The following TOX variants were observed in gnomAD, a reference collection of about 807,000 sequenced individuals.
TOX encodes thymocyte selection-associated high mobility group box protein TOX.
In TOX, 11 loss-of-function variants were observed where a neutral mutation model predicts 53.7. The observed-to-expected ratio is 0.20, with a 90% CI of 0.13 to 0.34. The LOEUF (loss-of-function observed/expected upper bound fraction) is 0.34. TOX is among the 10% of genes least tolerant of loss of function. TOX has a pLI of 1.00. For synonymous variants in TOX, 225 were observed against 245.3 expected (o/e 0.92, Z 0.77); for missense variants, 570 against 664.6 (o/e 0.86, Z 1.56).
Position 58,869,389 on chromosome 8 carries a change from A to C in TOX, c.412-17584T>G, listed in dbSNP as rs991482685. On this transcript the variant is annotated intron_variant, in intron 3 of 8. Coordinates refer to ENST00000361421, the MANE Select transcript of TOX (RefSeq NM_014729.3). ...CCAAATAATCCTTTACTTGCTAAAT[A>C]AATTGAATCAATAATTAACAATCTT... Among the ~76,000 whole-genome samples the C allele has an allele frequency of 1.2e-4, 18 of 152,310 alleles. 1 individual carries two copies. Among genetic ancestry groups the C allele is most frequent in the Admixed American group, 9.8e-4 (15 of 15,286 alleles).
chr8:58,814,682 T>G (rs1810144092), intron 7 of TOX: 1 of 152,244 alleles, frequency 6.6e-6, no homozygotes, highest in Non-Finnish European at 1.5e-5. Context: ...AAAAGCAATA[T>G]TTGATTTCAA....
At chr8:58,874,346 T>C (rs1811250184) in intron 3 of TOX, among the ~76,000 whole-genome samples, 1 of 151,804 alleles carries the variant, frequency 6.6e-6, no homozygotes, top group Non-Finnish European at 1.5e-5. Context: ...AAGGAAAGAG[T>C]GAGAGATGTT....
chr8:59,083,864 C>T (rs1306941264), intron 1 of TOX, among the ~76,000 whole-genome samples: 1 of 152,130 alleles, frequency 6.6e-6, no homozygotes, highest in Non-Finnish European at 1.5e-5. Flanking sequence ...TTCCTAAATT[C>T]AGGAACAAGC....
chr8:58,886,704 G>A (rs945269496), intron 3 of TOX, among the ~76,000 whole-genome samples: 1 of 151,894 alleles, frequency 6.6e-6, no homozygotes, highest in Non-Finnish European at 1.5e-5. Flanking sequence ...ATTGTTTGCA[G>A]GTTTATAATG....
intron 3 of TOX, among the ~76,000 whole-genome samples, chr8:58,866,720 A>G (rs1054503374): frequency 6.6e-6 from 1 of 152,204 alleles, no homozygotes; most frequent in African/African-American, 2.4e-5. Flanking sequence ...AGAAGAATTC[A>G]AATACTGATG....
chr8:58,877,728 T>C (rs1378265722), intron 3 of TOX, among the ~76,000 whole-genome samples: 1 of 152,222 alleles, frequency 6.6e-6, no homozygotes, highest in Non-Finnish European at 1.5e-5. Context: ...AATACAAGTC[T>C]GTCATCCAAA....
intron 5 of TOX, among the ~76,000 whole-genome samples, chr8:58,832,682 A>T (rs1563364991): frequency 6.6e-6 from 1 of 152,144 alleles, no homozygotes; most frequent in Non-Finnish European, 1.5e-5. Flanking sequence ...AATTGAAGCA[A>T]ATTAACTATT....
intron 1 of TOX, among the ~76,000 whole-genome samples, chr8:59,073,198 T>A (rs2129422721): frequency 6.6e-6 from 1 of 152,308 alleles, no homozygotes; most frequent in South Asian, 2.1e-4. Flanking sequence ...ACAATACTTA[T>A]AACTGATACT....
At chr8:58,815,286 C>A in intron 7 of TOX, 52 bp downstream of exon 7, 2 of 1,524,598 alleles carry the variant, frequency 1.3e-6, no homozygotes, top group Non-Finnish European at 8.8e-7. Context: ...ACCTCCACCA[C>A]CACACTTCAG....
intron 1 of TOX, among the ~76,000 whole-genome samples, chr8:59,060,758 C>T (rs1803970272): frequency 6.6e-6 from 1 of 152,212 alleles, no homozygotes; most frequent in African/African-American, 2.4e-5. Flanking sequence ...ATTCAATTCT[C>T]TTAGTAACAT....
intron 1 of TOX, among the ~76,000 whole-genome samples, chr8:58,982,944 C>G (rs1021879239): frequency 1.3e-5 from 2 of 152,172 alleles, no homozygotes; most frequent in African/African-American, 4.8e-5. Flanking sequence ...CCATTCCCTC[C>G]TCTCTGCATT....
intron 1 of TOX, among the ~76,000 whole-genome samples, chr8:58,967,723 C>T (rs1015728723): frequency 6.6e-6 from 1 of 152,182 alleles, no homozygotes; most frequent in Non-Finnish European, 1.5e-5. Flanking sequence ...TGAGTTGTTG[C>T]AAAGCTATGG....
intron 1 of TOX, among the ~76,000 whole-genome samples, chr8:59,071,140 A>G (rs1276127744): frequency 6.6e-6 from 1 of 152,214 alleles, no homozygotes; most frequent in Non-Finnish European, 1.5e-5. Context: ...GCGGGTATCT[A>G]TTAAAGTTAA....
At chr8:58,853,750 T>G (rs1375186) in intron 3 of TOX, among the ~76,000 whole-genome samples, 27,581 of 152,202 alleles carry the variant, frequency 0.18, 2,818 homozygotes, top group Non-Finnish European at 0.23. Context: ...TTCAGTCACA[T>G]TTACTAAAAT....
intron 1 of TOX, among the ~76,000 whole-genome samples, chr8:59,095,707 A>G (rs1804702181): frequency 6.6e-6 from 1 of 152,212 alleles, no homozygotes; most frequent in Admixed American, 6.5e-5. Context: ...GACAATATTA[A>G]AAATAATTTT....
chr8:59,087,501 T>C (rs1266205438), intron 1 of TOX, among the ~76,000 whole-genome samples: 1 of 152,202 alleles, frequency 6.6e-6, no homozygotes, highest in Non-Finnish European at 1.5e-5. Context: ...TCCTAATAAT[T>C]CATAGGACTC....
At chr8:58,904,818 T>C (rs1007020166) in intron 3 of TOX, among the ~76,000 whole-genome samples, 1 of 152,118 alleles carries the variant, frequency 6.6e-6, no homozygotes, top group Non-Finnish European at 1.5e-5. Flanking sequence ...TGAATGAAAA[T>C]AAAATAGCCA....
At chr8:58,903,907 C>T (rs191221367) in intron 3 of TOX, among the ~76,000 whole-genome samples, 1 of 152,250 alleles carries the variant, frequency 6.6e-6, no homozygotes, top group East Asian at 1.9e-4. Flanking sequence ...GGGTTCTTTC[C>T]ACTGTGCTAT....
intron 1 of TOX, among the ~76,000 whole-genome samples, chr8:58,981,959 A>G (rs1195788336): frequency 2.0e-5 from 3 of 152,172 alleles, no homozygotes; most frequent in Non-Finnish European, 2.9e-5. Flanking sequence ...ATCCTTACAA[A>G]CAAAACAAAA....
Sources: gnomAD v4.1 joint callset for allele counts (sites outside exome capture counted in the v4.1 genomes callset) on GRCh38, gnomAD v4.1.1 for gene constraint, MANE v1.5 for transcripts, NCBI Gene and HGNC (gene_info 2026-07-23, HGNC 2026-07-21) for gene names.